Variants in CUL3 observed in about 807,000 individuals in gnomAD.
CUL3 encodes the protein cullin 3, also known as cullin-3.
A neutral mutation model predicts 89.1 loss-of-function variants in CUL3; 19 were observed. The observed-to-expected ratio is 0.21, with a 90% CI of 0.15 to 0.31. CUL3 has a LOEUF of 0.31. CUL3 is among the 10% of genes least tolerant of loss of function. The pLI, the probability that CUL3 is intolerant of heterozygous loss-of-function variation, is 1.00. For missense variants in CUL3, 469 were observed against 942.3 expected (o/e 0.50, Z 6.58); for synonymous variants, 351 against 308.4 (o/e 1.14, Z -1.45).
At chr2:224,491,168 T>A (rs554448149) in intron 13 of CUL3, among the ~76,000 whole-genome samples, 4 of 152,306 alleles carry the variant, frequency 2.6e-5, no homozygotes, top group East Asian at 1.9e-4. Context: ...TATTTAAAAA[T>A]ATATATATTT....
intron 1 of CUL3, among the ~76,000 whole-genome samples, chr2:224,562,020 G>A (rs1694918254): frequency 6.6e-6 from 1 of 152,122 alleles, no homozygotes; most frequent in South Asian, 2.1e-4. Context: ...ATCTTTACAG[G>A]CTCTATAACC....
intron 3 of CUL3, among the ~76,000 whole-genome samples, chr2:224,524,187 T>G (rs1024448927): frequency 6.6e-6 from 1 of 152,100 alleles, no homozygotes; most frequent in Non-Finnish European, 1.5e-5. Flanking sequence ...GCAAACATAC[T>G]GAGAGGAGCC....
intron 1 of CUL3, among the ~76,000 whole-genome samples, chr2:224,576,318 AAAGACTGGACCGC>A (rs141306272): frequency 0.019 from 2,826 of 152,260 alleles, 94 homozygotes; most frequent in African/African-American, 0.064. Flanking sequence ...TAGTAAACAG[AAAGACTGGACCGC>A]AGACTAAGTC....
intron 2 of CUL3, among the ~76,000 whole-genome samples, chr2:224,549,281 G>A (rs565208306): frequency 2.0e-5 from 3 of 150,974 alleles, no homozygotes; most frequent in Admixed American, 2.0e-4. Flanking sequence ...GGCGCCAACT[G>A]CACTCCAGCC....
intron 2 of CUL3, among the ~76,000 whole-genome samples, chr2:224,556,895 G>A (rs1694728519): frequency 6.6e-6 from 1 of 151,974 alleles, no homozygotes. Context: ...GGTGAATCTA[G>A]GTGAAGGGTA....
intron 6 of CUL3, among the ~76,000 whole-genome samples, chr2:224,509,535 A>T (rs1692733886): frequency 6.6e-6 from 1 of 152,220 alleles, no homozygotes; most frequent in Non-Finnish European, 1.5e-5. Flanking sequence ...GGATTTTAAA[A>T]TTTAATTTAG....
chr2:224,494,455 T>C (rs1015214303), intron 13 of CUL3, among the ~76,000 whole-genome samples: 1 of 152,028 alleles, frequency 6.6e-6, no homozygotes, highest in Non-Finnish European at 1.5e-5. Context: ...AAAAAAAGCA[T>C]ATTATAAAAT....
chr2:224,503,018 T>C lies in CUL3; in HGVS notation c.1432A>G (p.Ser478Gly), dbSNP rs2106194584. The change falls in exon 10 of 16, where the codon AGC becomes GGC. Residue 478 changes from serine (S) to glycine (G), a missense_variant. Ser to Gly is a moderately conservative substitution (Grantham distance 56). Transcript: ENST00000264414. Reference protein sequence around the residue: ...SKLEGMFRDMSISNTTMDEFR... With the variant: ...SKLEGMFRDMGISNTTMDEFR... ...TCATCCATCGTTGTGTTTGAGATGC[T>C]CATATCCCTAAACATTCCTTCCAGT... 6.2e-7 allele frequency: 1 copy of C among 1,614,048 alleles called. No individual in the cohort carries two copies. Among genetic ancestry groups the C allele is most frequent in the Non-Finnish European group, 8.5e-7 (1 of 1,179,906 alleles).
chr2:224,495,707 T>C, intron 13 of CUL3, 125 bp downstream of exon 13: 1 of 711,990 alleles, frequency 1.4e-6, no homozygotes, highest in East Asian at 2.7e-5. Flanking sequence ...CATGATCCAT[T>C]TTATACAGTT....
Position 224,472,115 on chromosome 2 carries a change from T to C in CUL3, c.*2130A>G, listed in dbSNP as rs555995940. 1.3e-3 allele frequency: 303 copies of C among 229,668 alleles called. No homozygotes were observed. Among genetic ancestry groups the C allele is most frequent in the Admixed American group, 5.9e-3 (104 of 17,682 alleles). 14.2% of individuals were successfully genotyped at this position (229,668 alleles called of 1,614,324 possible). A position where few individuals can be genotyped will look rare whatever the true frequency, so the allele number is the denominator to read the frequency against. On this transcript the variant is annotated 3_prime_UTR_variant, in exon 16 of 16. Transcript: ENST00000264414. The stretch of plus-strand genomic sequence containing the variant: ...CAGTGCAGCATCACATCGCCAGCAA[T>C]CTCCAACCATTCAACTGCAATTCAG...
intron 3 of CUL3, among the ~76,000 whole-genome samples, chr2:224,534,875 C>A (rs1268905825): frequency 1.3e-5 from 2 of 151,620 alleles, no homozygotes; most frequent in African/African-American, 4.8e-5. Flanking sequence ...GTGACGGGCA[C>A]CTGTAGTCCC....
At chr2:224,559,056 A>C (rs548377126) in intron 1 of CUL3, among the ~76,000 whole-genome samples, 21 of 145,568 alleles carry the variant, frequency 1.4e-4, no homozygotes, top group African/African-American at 5.3e-4. Context: ...ACTCTGTCTC[A>C]AAAAAAAAAA....
At chr2:224,509,814 T>C (rs560476245) in intron 6 of CUL3, among the ~76,000 whole-genome samples, 1 of 152,336 alleles carries the variant, frequency 6.6e-6, no homozygotes, top group East Asian at 1.9e-4. Context: ...AATTTATCAA[T>C]ACTCATTTTG....
chr2:224,571,916 C>T (rs1474581267), intron 1 of CUL3, among the ~76,000 whole-genome samples: 1 of 152,126 alleles, frequency 6.6e-6, no homozygotes, highest in African/African-American at 2.4e-5. Context: ...AAGTTAAAAC[C>T]TCTTCATTTC....
intron 14 of CUL3, among the ~76,000 whole-genome samples, chr2:224,481,536 C>G (rs1024899397): frequency 6.6e-6 from 1 of 151,948 alleles, no homozygotes; most frequent in Non-Finnish European, 1.5e-5. Context: ...ATAGGTCTCC[C>G]AATTCTGAAA....
intron 1 of CUL3, among the ~76,000 whole-genome samples, chr2:224,576,728 A>G (rs1473959495): frequency 6.6e-6 from 1 of 151,936 alleles, no homozygotes; most frequent in Non-Finnish European, 1.5e-5. Flanking sequence ...GGAGGAAAGG[A>G]AGGAAAAAAG....
At chr2:224,574,308 T>C (rs1180784279) in intron 1 of CUL3, among the ~76,000 whole-genome samples, 1 of 152,180 alleles carries the variant, frequency 6.6e-6, no homozygotes, top group Non-Finnish European at 1.5e-5. Flanking sequence ...TAGTTACATT[T>C]TCAACTTTAA....
At chr2:224,477,608 T>A (rs776721430) in intron 15 of CUL3, among the ~76,000 whole-genome samples, 1 of 152,206 alleles carries the variant, frequency 6.6e-6, no homozygotes, top group Non-Finnish European at 1.5e-5. Context: ...CAGCGGCACA[T>A]TACATTACCC....
intron 3 of CUL3, among the ~76,000 whole-genome samples, chr2:224,529,658 G>A (rs1377854733): frequency 2.0e-5 from 3 of 151,900 alleles, no homozygotes; most frequent in African/African-American, 7.3e-5. Context: ...TGTAAGTAAA[G>A]CAGGGATTAC....
Sources: gnomAD v4.1 joint callset for allele counts (sites outside exome capture counted in the v4.1 genomes callset) on GRCh38, gnomAD v4.1.1 for gene constraint, MANE v1.5 for transcripts, NCBI Gene and HGNC (gene_info 2026-07-23, HGNC 2026-07-21) for gene names.